DNAJC6: variants seen among roughly 807,000 people sequenced by gnomAD.
DNAJC6 encodes the protein auxilin.
DNAJC6 carries 34 observed loss-of-function variants against 110.0 expected under a neutral mutation model. The observed-to-expected ratio is 0.31, with a 90% CI of 0.24 to 0.41. The LOEUF (loss-of-function observed/expected upper bound fraction) is 0.41. Among genes scored for constraint, DNAJC6 ranks in the 10% least tolerant of loss-of-function variants. The pLI is 1.00. For missense variants in DNAJC6, 1,031 were observed against 1,207.8 expected, an observed-to-expected ratio of 0.85 and a Z score of 2.17; for synonymous variants, 406 against 437.2, an observed-to-expected ratio of 0.93 and a Z score of 0.89.
chr1:65,318,643 G>A (rs533272249), intron 1 of DNAJC6, among the ~76,000 whole-genome samples: 70 of 152,318 alleles, frequency 4.6e-4, no homozygotes, highest in African/African-American at 1.5e-3. Context: ...ATAAGCGGGA[G>A]CTGAAGATGA....
rs138320619 is a variant in DNAJC6, at chr1:65,376,615, T to A, written c.544-2787T>A. On this transcript the variant is annotated intron_variant, in intron 4 of 18. Coordinates refer to ENST00000371069, the MANE Select transcript of DNAJC6 (RefSeq NM_001256864.2). ...AATTTGTTTCAAGAAATTTTTAAAT[T>A]TCCTTCCTAATTTCTTCATTGACTC... Among the ~76,000 whole-genome samples the A allele has an allele frequency of 6.8e-4, 103 of 151,894 alleles. 4 individuals carry two copies. In the East Asian group the frequency reaches 0.016, roughly 23 times the overall value.
Position 65,385,913 on chromosome 1 carries a change from C to A in DNAJC6, c.995+7C>A. The A allele has an allele frequency of 6.3e-7, 1 of 1,590,492 alleles. No individual in the cohort carries two copies. Among genetic ancestry groups the A allele is most frequent in the South Asian group, 1.1e-5 (1 of 88,820 alleles). On this transcript the variant is annotated splice_region_variant and intron_variant, in intron 7 of 18. Coordinates refer to ENST00000371069, the MANE Select transcript of DNAJC6 (RefSeq NM_001256864.2). ...CAGATTTTGAACGAATGAAGTAAGT[C>A]ATGATACTTTACTTCTTCCTATGTA... is the stretch of plus-strand genomic sequence containing the variant.
At chr1:65,345,545 T>A (rs150954901) in intron 1 of DNAJC6, 1 of 524,832 alleles carries the variant, frequency 1.9e-6, no homozygotes, top group Admixed American at 6.4e-5. Context: ...TTGCAAATCC[T>A]AGGTTCTTTT....
Position 65,385,769 on chromosome 1 carries a change from G to A in DNAJC6, c.858G>A (p.Lys286=). 1 of 1,613,926 alleles carries A rather than the reference G, an allele frequency of 6.2e-7. No individual in the cohort carries two copies. ...LADKPYRPHF[K]PLTIKSITVS... is the part of the protein sequence containing the mutation. The stretch of plus-strand genomic sequence containing the variant: ...ACAAGCCCTACCGCCCTCACTTCAA[G>A]CCTCTCACAATTAAGTCGATCACTG... Residue 286 remains lysine (K), a synonymous_variant, in exon 7 of 19, where the codon AAG becomes AAA. Transcript: ENST00000371069.
chr1:65,409,948 A>C (rs975966097), intron 17 of DNAJC6, among the ~76,000 whole-genome samples: 1 of 152,288 alleles, frequency 6.6e-6, no homozygotes, highest in Admixed American at 6.5e-5. Context: ...CTGAAAAAAA[A>C]CCACATAACT....
Position 65,311,215 on chromosome 1 carries a change from G to GTTTTTTTTT in DNAJC6, c.193+1296_193+1304dup, listed in dbSNP as rs71056098. ...CCAAGGGATTGATGGTTTCAGGACTGTTTTTTTTTTTTTTTTTTTTTTTTT... is the reference window on the plus strand; with the variant it reads ...CCAAGGGATTGATGGTTTCAGGACTGTTTTTTTTTTTTTTTTTTTTTTTTTTTTTTTTTT... On this transcript the variant is annotated intron_variant, in intron 1 of 18. Coordinates refer to ENST00000371069, the MANE Select transcript of DNAJC6 (RefSeq NM_001256864.2). 2.0e-4 allele frequency among the ~76,000 whole-genome samples: 14 copies of GTTTTTTTTT among 68,888 alleles called. 4 individuals are homozygous for GTTTTTTTTT. Among genetic ancestry groups the GTTTTTTTTT allele is most frequent in the Non-Finnish European group, 2.9e-4 (11 of 37,360 alleles). 45.2% of individuals were successfully genotyped at this position (68,888 alleles called of 152,430 possible). A position where few individuals can be genotyped will look rare whatever the true frequency, so the allele number is the denominator to read the frequency against.
At chr1:65,392,059 A>G (rs1645932275) in intron 11 of DNAJC6, among the ~76,000 whole-genome samples, 1 of 152,168 alleles carries the variant, frequency 6.6e-6, no homozygotes, top group South Asian at 2.1e-4. Flanking sequence ...TACAGGTGTG[A>G]ACCACCACGC....
chr1:65,398,690 T>G, intron 13 of DNAJC6, 123 bp from the exon 14 acceptor site: 1 of 860,476 alleles, frequency 1.2e-6, no homozygotes, highest in Non-Finnish European at 1.9e-6. Flanking sequence ...GAGGAGTGGA[T>G]ATCTTGGGAT....
rs1435472720 is a variant in DNAJC6 at position 65,364,688 on chromosome 1, G to C, written c.247G>C (p.Val83Leu). Residue 83 changes from valine to leucine, a missense_variant, in exon 2 of 19, where the codon GTA (valine) becomes CTA (leucine). Transcript: ENST00000371069. ...CTATGGGGGAGGTCTCTTTGACATG[G>C]TAAAAGGAGGTGCAGGGAGGCTCTT... Reference protein sequence around the residue: ...PSYGGGLFDMVKGGAGRLFSN... With the variant: ...PSYGGGLFDMLKGGAGRLFSN... 1 of 1,612,692 alleles carries C rather than the reference G, an allele frequency of 6.2e-7. No homozygotes were observed. Among genetic ancestry groups the C allele is most frequent in the African/African-American group, 1.3e-5 (1 of 74,538 alleles).
In DNAJC6 at chr1:65,386,803, T is replaced by C. The variant is rs187965193; in HGVS notation, c.996-9T>C. On this transcript the variant is annotated splice_polypyrimidine_tract_variant and intron_variant, in intron 7 of 18. Transcript: ENST00000371069. ...CTCTTTCAATGTATATTTTGGTCTGTGTTTACAGAGAATATCGTGTCCAAG... is the reference window on the plus strand; with the variant it reads ...CTCTTTCAATGTATATTTTGGTCTGCGTTTACAGAGAATATCGTGTCCAAG... The C allele has an allele frequency of 9.5e-4, 1,528 of 1,611,568 alleles. 17 individuals are homozygous for C. The highest frequency in any genetic ancestry group is 1.1e-4 in the Non-Finnish European group (128 of 1,177,700).
chr1:65,404,521 C>A (rs1016321887), intron 15 of DNAJC6, among the ~76,000 whole-genome samples: 8 of 152,104 alleles, frequency 5.3e-5, no homozygotes, highest in African/African-American at 1.9e-4. Flanking sequence ...TGGTAATGCT[C>A]ATCAAATAGT....
intron 1 of DNAJC6, among the ~76,000 whole-genome samples, chr1:65,288,701 C>T (rs1320444869): frequency 2.6e-5 from 4 of 152,166 alleles, no homozygotes; most frequent in African/African-American, 9.7e-5. Context: ...CTAAGAATAA[C>T]TAATGACCCA....
chr1:65,343,545 G>A (rs1023063105), intron 1 of DNAJC6, among the ~76,000 whole-genome samples: 1 of 152,078 alleles, frequency 6.6e-6, no homozygotes, highest in Non-Finnish European at 1.5e-5. Flanking sequence ...TTATGTTACT[G>A]CATATTAGTC....
intron 13 of DNAJC6, among the ~76,000 whole-genome samples, chr1:65,396,626 A>G (rs1017816811): frequency 1.2e-4 from 18 of 150,872 alleles, no homozygotes; most frequent in Admixed American, 6.6e-4. Context: ...TCAAATTGCA[A>G]CTCGTCTCCC....
intron 1 of DNAJC6, among the ~76,000 whole-genome samples, chr1:65,324,603 C>G (rs1645225578): frequency 6.6e-6 from 1 of 152,128 alleles, no homozygotes; most frequent in Admixed American, 6.5e-5. Flanking sequence ...AAGCAATGCT[C>G]CCACCTCAGC....
intron 1 of DNAJC6, among the ~76,000 whole-genome samples, chr1:65,350,899 A>G (rs559156385): frequency 6.6e-6 from 1 of 152,324 alleles, no homozygotes; most frequent in Non-Finnish European, 1.5e-5. Flanking sequence ...TCAACCCTGC[A>G]TCAGGCAGTC....
At chr1:65,347,417 T>C (rs112312886) in intron 1 of DNAJC6, among the ~76,000 whole-genome samples, 1,997 of 151,972 alleles carry the variant, frequency 0.013, 53 homozygotes, top group African/African-American at 0.045. Context: ...TTTTTTTTTT[T>C]ACTTCATCAG....
intron 16 of DNAJC6, among the ~76,000 whole-genome samples, chr1:65,406,632 A>G (rs1457962751): frequency 6.6e-6 from 1 of 152,128 alleles, no homozygotes; most frequent in East Asian, 1.9e-4. Context: ...TGTCTTGGAA[A>G]ACTTGGTCTT....
At position 65,372,146 on chromosome 1, in the gene DNAJC6, GGTGTGTGTGTGTGT is replaced by G. The variant is rs59816601; in HGVS notation, c.543+5979_543+5992del. ...ACTCATTACAGATATTGACATTTGG[GGTGTGTGTGTGTGT>G]GTGTGTGTGTGTGTGTGTGTGTGTG... On this transcript the variant is annotated intron_variant, in intron 4 of 18. Coordinates refer to ENST00000371069, the MANE Select transcript of DNAJC6 (RefSeq NM_001256864.2). Among the ~76,000 whole-genome samples, 106 of 141,080 alleles carry G rather than the reference GGTGTGTGTGTGTGT, an allele frequency of 7.5e-4. 1 individual carries two copies. The highest frequency in any genetic ancestry group is 2.6e-3 in the African/African-American group (99 of 38,622). The allele number at this position is 141,080 out of a possible 152,430, so 92.6% of individuals were successfully genotyped here. A position where few individuals can be genotyped will look rare whatever the true frequency, so the allele number is the denominator to read the frequency against.
Sources: gnomAD v4.1 joint callset for allele counts (sites outside exome capture counted in the v4.1 genomes callset) on GRCh38, gnomAD v4.1.1 for gene constraint, MANE v1.5 for transcripts, NCBI Gene and HGNC (gene_info 2026-07-23, HGNC 2026-07-21) for gene names.